The following MBP variants were observed in gnomAD, a reference collection of about 807,000 sequenced individuals.
MBP encodes the protein Golli-MBP.
MBP carries 16 observed loss-of-function variants against 35.8 expected under a neutral mutation model. The ratio of observed to expected loss-of-function variants is 0.45; its 90% CI spans 0.30 to 0.68. MBP has a LOEUF of 0.68. MBP is among the 30% of genes least tolerant of loss of function. MBP has a pLI of 0.08. For missense variants in MBP, 380 were observed against 404.7 expected (o/e 0.94, Z 0.52); for synonymous variants, 143 against 159.6 (o/e 0.90, Z 0.78).
chr18:77,010,016 G>T, intron 4 of MBP: 1 of 917,334 alleles, frequency 1.1e-6, no homozygotes, highest in Non-Finnish European at 1.7e-6. Flanking sequence ...CTCTAGAGCT[G>T]GCTTGGCAAG....
At chr18:77,017,758 G>T (rs1160994770) in intron 3 of MBP, 1 of 152,604 alleles carries the variant, frequency 6.6e-6, no homozygotes, top group Non-Finnish European at 1.5e-5. Context: ...ATGCATGAAA[G>T]AAGTGGGGCA....
At position 77,016,958 on chromosome 18, in the gene MBP, G is replaced by A. The variant is rs1487573143; in HGVS notation, c.450C>T (p.Ala150=). The A allele has an allele frequency of 6.2e-7, 1 of 1,613,994 alleles. No homozygotes were observed. The highest frequency in any genetic ancestry group is 1.3e-5 in the African/African-American group (1 of 74,892). ...TGGCATGGTCCATGGTACTTGCTGT[G>A]GCCAGGTACTTGGATCCGTGCCTCT... is the stretch of plus-strand genomic sequence containing the variant. ...PSQRHGSKYL[A]TASTMDHARH... Residue 150 remains alanine, a synonymous_variant, in exon 4 of 9, where the codon GCC becomes GCT. Coordinates refer to ENST00000355994, the MANE Select transcript of MBP (RefSeq NM_001025101.2).
intron 3 of MBP, among the ~76,000 whole-genome samples, chr18:77,018,245 C>A (rs1971756578): frequency 6.7e-6 from 1 of 150,080 alleles, no homozygotes; most frequent in Admixed American, 6.6e-5. Flanking sequence ...TCCATCCGTT[C>A]ACCCATCCAC....
At chr18:77,060,516 T>C (rs1335920211) in intron 3 of MBP, among the ~76,000 whole-genome samples, 3 of 146,960 alleles carry the variant, frequency 2.0e-5, no homozygotes, top group Non-Finnish European at 4.4e-5. Flanking sequence ...TGCAGTGGTG[T>C]GATCTCAGCT....
At position 77,131,075 on chromosome 18, in the gene MBP, GCACGCACGCGCACACACACACA is replaced by G. The variant is rs59388889; in HGVS notation, c.-26+1483_-26+1504del. Among the ~76,000 whole-genome samples, 174 of 19,764 alleles carry G rather than the reference GCACGCACGCGCACACACACACA, an allele frequency of 8.8e-3. No individual in the cohort carries two copies. Among genetic ancestry groups the G allele is most frequent in the Middle Eastern group, 0.062 (1 of 16 alleles). 13.0% of individuals were successfully genotyped at this position (19,764 alleles called of 152,430 possible). A position where few individuals can be genotyped will look rare whatever the true frequency, so the allele number is the denominator to read the frequency against. ...CAAAAAACAAAACACACACACGCGCGCACGCACGCGCACACACACACACACACACACACACACACACACACCC... is the reference window on the plus strand; with the variant it reads ...CAAAAAACAAAACACACACACGCGCGCACACACACACACACACACACACCC... On this transcript the variant is annotated intron_variant, in intron 1 of 8. Coordinates refer to ENST00000355994, the MANE Select transcript of MBP (RefSeq NM_001025101.2). The surrounding 1 kb of genome is among the most constrained non-coding windows in gnomAD (Gnocchi z 5.5).
intron 2 of MBP, 75 bp from the exon 3 acceptor site, chr18:77,066,460 G>C (rs909090287): frequency 2.1e-6 from 2 of 940,436 alleles, no homozygotes; most frequent in Non-Finnish European, 1.8e-6. Flanking sequence ...TAATGCATTT[G>C]TCTCTTTATA....
At position 77,053,281 on chromosome 18, in the gene MBP, C is replaced by T. The variant is rs113414025; in HGVS notation, c.139+13017G>A. On this transcript the variant is annotated intron_variant, in intron 3 of 8. Coordinates refer to ENST00000355994, the MANE Select transcript of MBP (RefSeq NM_001025101.2). Reference sequence around the variant, plus strand: ...GCTTCAGGGGAGGGGTGGGCAGGGGCCCCACTGCAGGTCCAGCCAAGGGGC... The same window carrying T: ...GCTTCAGGGGAGGGGTGGGCAGGGGTCCCACTGCAGGTCCAGCCAAGGGGC... Among the ~76,000 whole-genome samples the T allele has an allele frequency of 6.2e-4, 95 of 152,340 alleles. 1 individual carries two copies. The highest frequency in any genetic ancestry group is 2.2e-3 in the African/African-American group (92 of 41,580).
At chr18:77,085,872 C>T (rs1347732744) in intron 2 of MBP, among the ~76,000 whole-genome samples, 2 of 151,848 alleles carry the variant, frequency 1.3e-5, no homozygotes, top group Admixed American at 6.6e-5. Flanking sequence ...TTAGTAGAAA[C>T]GGGGTTTCAC....
chr18:77,131,027 A>C lies in MBP; in HGVS notation c.-26+1553T>G, dbSNP rs2406725. 6.6e-4 allele frequency among the ~76,000 whole-genome samples: 18 copies of C among 27,134 alleles called. No individual in the cohort carries two copies. The highest frequency in any genetic ancestry group is 1.7e-3 in the Admixed American group (5 of 2,908). 17.8% of individuals were successfully genotyped at this position (27,134 alleles called of 152,430 possible). A position where few individuals can be genotyped will look rare whatever the true frequency, so the allele number is the denominator to read the frequency against. ...CCCTCAGATTTCTGTTTTTCCCACA[A>C]AAAAAAAAAAAAAACAAAACCTCAA... On this transcript the variant is annotated intron_variant, in intron 1 of 8. Transcript: ENST00000355994. The surrounding 1 kb of genome is among the most constrained non-coding windows in gnomAD (Gnocchi z 5.5).
rs1443023245 is a variant in MBP at position 76,978,883 on chromosome 18, T to C, written c.*1544A>G. ...TTCAATATTCAGGAACAGTGTACAC[T>C]TTCCGTTCAGCCATCGTCACAGCAC... is the stretch of plus-strand genomic sequence containing the variant. On this transcript the variant is annotated 3_prime_UTR_variant, in exon 9 of 9. Transcript: ENST00000355994. The C allele has an allele frequency of 1.3e-5, 2 of 152,208 alleles. No homozygotes were observed. The highest frequency in any genetic ancestry group is 4.8e-5 in the African/African-American group (2 of 41,444). The allele number at this position is 152,208 out of a possible 1,614,324, so 9.4% of individuals were successfully genotyped here. A position where few individuals can be genotyped will look rare whatever the true frequency, so the allele number is the denominator to read the frequency against.
chr18:77,039,396 G>A (rs535377708), intron 3 of MBP, among the ~76,000 whole-genome samples: 353 of 152,374 alleles, frequency 2.3e-3, no homozygotes, highest in Non-Finnish European at 3.5e-3. Flanking sequence ...TGAAGCCAGG[G>A]TGAGAGACTA....
intron 4 of MBP, among the ~76,000 whole-genome samples, chr18:76,991,162 C>T (rs1315294993): frequency 6.6e-6 from 1 of 152,166 alleles, no homozygotes; most frequent in Non-Finnish European, 1.5e-5. Flanking sequence ...GTAAGTGTCT[C>T]ACGCCACACT....
chr18:77,062,302 C>T (rs1015904157), intron 3 of MBP, among the ~76,000 whole-genome samples: 7 of 152,158 alleles, frequency 4.6e-5, no homozygotes, highest in African/African-American at 9.7e-5. Context: ...CCTTCCTTCC[C>T]GCCTGGTTTC....
At chr18:76,985,889 C>G in intron 7 of MBP, 1 of 987,142 alleles carries the variant, frequency 1.0e-6, no homozygotes, top group Non-Finnish European at 1.2e-6. Flanking sequence ...CTGCCCTGGC[C>G]TCATCAGCCC....
chr18:77,032,659 C>T (rs1417585025), intron 3 of MBP, among the ~76,000 whole-genome samples: 6 of 152,054 alleles, frequency 3.9e-5, no homozygotes, highest in African/African-American at 9.7e-5. Flanking sequence ...TTCCCTAACA[C>T]GGTTGGCGTA....
intron 4 of MBP, among the ~76,000 whole-genome samples, chr18:76,999,671 A>G (rs537074305): frequency 2.7e-5 from 4 of 150,706 alleles, no homozygotes; most frequent in East Asian, 3.9e-4. Context: ...CTGGTCTTGA[A>G]CTCCTGGCCT....
At chr18:77,014,292 T>A in intron 4 of MBP, 1 of 985,434 alleles carries the variant, frequency 1.0e-6, no homozygotes, top group Non-Finnish European at 1.2e-6. Flanking sequence ...CCATGTGCCC[T>A]CAAGGGGAGG....
At chr18:77,130,777 G>A (rs372649815) in intron 1 of MBP, among the ~76,000 whole-genome samples, 3 of 150,768 alleles carry the variant, frequency 2.0e-5, no homozygotes, top group South Asian at 2.1e-4. Context: ...CAAACCCGAC[G>A]TTTTAAATCA....
chr18:77,128,983 A>G (rs1030423494), intron 1 of MBP, among the ~76,000 whole-genome samples: 1 of 152,140 alleles, frequency 6.6e-6, no homozygotes, highest in East Asian at 1.9e-4. Context: ...AGTACCGTAA[A>G]GGTAAAAAAA....
Sources: allele counts gnomAD v4.1 joint callset (sites outside exome capture counted in the v4.1 genomes callset), GRCh38; gene constraint gnomAD v4.1.1; non-coding constraint Gnocchi (gnomAD v3.1); transcripts MANE v1.5; gene names NCBI Gene and HGNC (gene_info 2026-07-23, HGNC 2026-07-21).